FRMD4A: variants seen among roughly 807,000 people sequenced by gnomAD.
FRMD4A encodes the protein FERM domain-containing protein 4A.
In FRMD4A, 29 loss-of-function variants were observed where a neutral mutation model predicts 129.1. That is an observed-to-expected ratio of 0.22 (90% confidence interval 0.17 to 0.31). FRMD4A has a LOEUF of 0.31. Ranked by LOEUF, FRMD4A falls within the 10% of genes least tolerant of loss-of-function variation. The pLI, the probability that FRMD4A is intolerant of heterozygous loss-of-function variation, is 1.00. For synonymous variants in FRMD4A, 634 were observed against 571.6 expected (o/e 1.11, Z -1.56); for missense variants, 1,272 against 1,375.8 (o/e 0.92, Z 1.19).
intron 2 of FRMD4A, among the ~76,000 whole-genome samples, chr10:13,964,002 G>GAAAC (rs34289058): frequency 0.083 from 12,360 of 148,418 alleles, 552 homozygotes; most frequent in African/African-American, 0.12. Flanking sequence ...ATAAAACCAT[G>GAAAC]AAACATTCAA....
At chr10:14,247,075 G>A (rs995140385) in intron 2 of FRMD4A, among the ~76,000 whole-genome samples, 1 of 152,056 alleles carries the variant, frequency 6.6e-6, no homozygotes, top group African/African-American at 2.4e-5. Flanking sequence ...GGTGGGACTC[G>A]CAAGCTCTTC....
chr10:13,670,304 A>T, intron 17 of FRMD4A, 102 bp downstream of exon 17: 4 of 1,204,220 alleles, frequency 3.3e-6, no homozygotes, highest in Non-Finnish European at 4.8e-6. Context: ...TACTGGCATT[A>T]GGCAGAAATG....
At chr10:14,012,658 G>A (rs1340291989) in intron 2 of FRMD4A, among the ~76,000 whole-genome samples, 1 of 152,190 alleles carries the variant, frequency 6.6e-6, no homozygotes, top group Non-Finnish European at 1.5e-5. Flanking sequence ...GCGGATGCAT[G>A]CTGAAAAGCC....
chr10:14,010,522 C>T (rs551102686), intron 2 of FRMD4A, among the ~76,000 whole-genome samples: 1 of 152,098 alleles, frequency 6.6e-6, no homozygotes, highest in Non-Finnish European at 1.5e-5. Flanking sequence ...TGGAGCCCTC[C>T]CCAGTCCCCG....
At chr10:13,690,448 G>A (rs569437663) in intron 15 of FRMD4A, among the ~76,000 whole-genome samples, 3 of 152,356 alleles carry the variant, frequency 2.0e-5, no homozygotes, top group Non-Finnish European at 4.4e-5. Flanking sequence ...AGGGGTGCTA[G>A]AAATTCCCTT....
intron 2 of FRMD4A, among the ~76,000 whole-genome samples, chr10:14,131,604 G>A (rs1839265038): frequency 6.6e-6 from 1 of 152,162 alleles, no homozygotes; most frequent in Non-Finnish European, 1.5e-5. Flanking sequence ...CAAATGTCAG[G>A]CTTCCATGTG....
intron 2 of FRMD4A, among the ~76,000 whole-genome samples, chr10:13,961,889 G>T (rs577335837): frequency 6.6e-6 from 1 of 151,896 alleles, no homozygotes; most frequent in African/African-American, 2.4e-5. Context: ...GCACATAGAG[G>T]GTGTTCATTA....
intron 2 of FRMD4A, among the ~76,000 whole-genome samples, chr10:14,190,742 CA>C (rs1178916943): frequency 2.6e-5 from 4 of 152,184 alleles, no homozygotes; most frequent in Non-Finnish European, 5.9e-5. Flanking sequence ...CACAAGGAGA[CA>C]GGAGTCAAGT....
intron 2 of FRMD4A, among the ~76,000 whole-genome samples, chr10:14,212,345 A>G (rs542779549): frequency 1.1e-4 from 17 of 152,254 alleles, no homozygotes; most frequent in African/African-American, 4.1e-4. Context: ...AGCTCCCATT[A>G]TCCTTTCAGC....
chr10:13,660,456 C>T lies in FRMD4A; in HGVS notation c.1758G>A (p.Gln586=). The T allele has an allele frequency of 6.2e-7, 1 of 1,614,056 alleles. No individual in the cohort carries two copies. Among genetic ancestry groups the T allele is most frequent in the Non-Finnish European group, 8.5e-7 (1 of 1,179,906 alleles). ...GCATCTGTCGGAGTCCCTCCAGGGA[C>T]TGGGGAGGAGGAGGCCTGTTGTGCG... ...PPSHNRPPPP[Q]SLEGLRQMHY... is the part of the protein sequence containing the mutation. The change falls in exon 20 of 25, where the codon CAG becomes CAA. Residue 586 remains glutamine (Q), a synonymous_variant. Coordinates refer to ENST00000357447, the MANE Select transcript of FRMD4A (RefSeq NM_018027.5).
chr10:14,288,184 G>A (rs1304585824), intron 2 of FRMD4A, among the ~76,000 whole-genome samples: 1 of 152,082 alleles, frequency 6.6e-6, no homozygotes, highest in Non-Finnish European at 1.5e-5. Context: ...AATCAGGTTA[G>A]TTAGGAACAG....
chr10:13,738,074 T>C, intron 11 of FRMD4A, 144 bp from the exon 12 acceptor site: 1 of 625,122 alleles, frequency 1.6e-6, no homozygotes, highest in East Asian at 2.7e-5. Flanking sequence ...CTTTGTTTCT[T>C]AACAGATGCG....
chr10:13,799,346 C>T (rs1033242508), intron 4 of FRMD4A, among the ~76,000 whole-genome samples: 2 of 152,058 alleles, frequency 1.3e-5, no homozygotes, highest in Admixed American at 6.6e-5. Context: ...TTAGTAGAGA[C>T]AGGGTTTCAC....
At chr10:13,917,623 A>G (rs1275725238) in intron 2 of FRMD4A, among the ~76,000 whole-genome samples, 5 of 152,142 alleles carry the variant, frequency 3.3e-5, no homozygotes. Flanking sequence ...CACACACTGT[A>G]CTTTCATTCT....
chr10:14,001,624 C>T lies in FRMD4A; in HGVS notation c.46-142712G>A, dbSNP rs1355796792. 5.9e-5 allele frequency among the ~76,000 whole-genome samples: 9 copies of T among 152,284 alleles called. No individual in the cohort carries two copies. The East Asian group carries it at 9.6e-4, about 16-fold the overall frequency. On this transcript the variant is annotated intron_variant, in intron 2 of 24. Transcript: ENST00000357447. ...CTGCTATACAAAACAAAATAAATATCGGTTCACCAAGTTTGGGTCACTTAA... is the reference window on the plus strand; with the variant it reads ...CTGCTATACAAAACAAAATAAATATTGGTTCACCAAGTTTGGGTCACTTAA...
chr10:13,817,761 T>C (rs928811101), intron 3 of FRMD4A, among the ~76,000 whole-genome samples: 1 of 152,212 alleles, frequency 6.6e-6, no homozygotes, highest in Non-Finnish European at 1.5e-5. Flanking sequence ...CTTTCCTTTA[T>C]AAATTACCCA....
chr10:14,176,228 T>C (rs993197242), intron 2 of FRMD4A, among the ~76,000 whole-genome samples: 1 of 152,166 alleles, frequency 6.6e-6, no homozygotes, highest in African/African-American at 2.4e-5. Context: ...GCAGGTTTGA[T>C]ACAAAACTCA....
intron 2 of FRMD4A, among the ~76,000 whole-genome samples, chr10:13,867,297 G>A (rs2094379886): frequency 6.6e-6 from 1 of 151,834 alleles, no homozygotes; most frequent in Non-Finnish European, 1.5e-5. Flanking sequence ...CTCACTCCGT[G>A]GTCCCAGCTG....
intron 2 of FRMD4A, among the ~76,000 whole-genome samples, chr10:13,977,461 T>G (rs2095545935): frequency 6.6e-6 from 1 of 152,238 alleles, no homozygotes; most frequent in Non-Finnish European, 1.5e-5. Flanking sequence ...GGCCTATCAC[T>G]CTTTGTCAGT....
Sources: gnomAD v4.1 joint callset for allele counts (sites outside exome capture counted in the v4.1 genomes callset) on GRCh38, gnomAD v4.1.1 for gene constraint, MANE v1.5 for transcripts, NCBI Gene and HGNC (gene_info 2026-07-23, HGNC 2026-07-21) for gene names.